PXDN: variants seen among roughly 807,000 people sequenced by gnomAD.
PXDN encodes peroxidasin homolog.
Under a neutral mutation model 140.3 loss-of-function variants are expected in PXDN, and 77 were observed. The observed-to-expected ratio is 0.55, with a 90% CI of 0.46 to 0.66. The LOEUF is 0.66. Ranked by LOEUF, PXDN falls within the 30% of genes least tolerant of loss-of-function variation. PXDN has a pLI of 0.00. For missense variants in PXDN, 1,838 were observed against 2,039.5 expected (o/e 0.90, Z 1.90); for synonymous variants, 911 against 857.4 (o/e 1.06, Z -1.09).
In PXDN at chr2:1,744,498, C is replaced by A; in HGVS notation, c.-43G>T. On this transcript the variant is annotated 5_prime_UTR_variant, in exon 1 of 23. Coordinates refer to ENST00000252804, the MANE Select transcript of PXDN (RefSeq NM_012293.3). ...GACGCTCGGACGCACGGAGCCACCACGGCCGGCTCCCGACTGCGCCCGCCC... is the reference window on the plus strand; with the variant it reads ...GACGCTCGGACGCACGGAGCCACCAAGGCCGGCTCCCGACTGCGCCCGCCC... 7.4e-7 allele frequency: 1 copy of A among 1,358,890 alleles called. No homozygotes were observed. Among genetic ancestry groups the A allele is most frequent in the South Asian group, 1.8e-5 (1 of 55,608 alleles). 84.2% of individuals were successfully genotyped at this position (1,358,890 alleles called of 1,614,324 possible). A position where few individuals can be genotyped will look rare whatever the true frequency, so the allele number is the denominator to read the frequency against.
At chr2:1,699,602 C>T (rs1323316023) in intron 1 of PXDN, among the ~76,000 whole-genome samples, 2 of 152,010 alleles carry the variant, frequency 1.3e-5, no homozygotes, top group East Asian at 1.9e-4. Context: ...CCCAGCTACT[C>T]GGGAGGTTGA....
chr2:1,686,007 G>A (rs572715286), intron 4 of PXDN, among the ~76,000 whole-genome samples: 9 of 152,258 alleles, frequency 5.9e-5, no homozygotes, highest in Non-Finnish European at 8.8e-5. Flanking sequence ...GACTGCATCC[G>A]GGCTCCCGGG....
At chr2:1,737,042 C>A (rs547315575) in intron 1 of PXDN, among the ~76,000 whole-genome samples, 1 of 152,336 alleles carries the variant, frequency 6.6e-6, no homozygotes, top group East Asian at 1.9e-4. Flanking sequence ...CCGCAGCCTG[C>A]TTTCCCGTAA....
chr2:1,728,876 C>T (rs1168853304), intron 1 of PXDN, among the ~76,000 whole-genome samples: 4 of 152,170 alleles, frequency 2.6e-5, no homozygotes, highest in African/African-American at 9.7e-5. Flanking sequence ...CAGATATAGC[C>T]CTGCGAGTCC....
intron 7 of PXDN, 83 bp from the exon 8 acceptor site, chr2:1,677,127 G>T (rs1019765213): frequency 2.4e-6 from 3 of 1,270,186 alleles, no homozygotes; most frequent in Admixed American, 5.1e-5. Flanking sequence ...AGTTCTCTGT[G>T]TCCAAAAGGA....
chr2:1,665,313 C>T (rs990952706), intron 10 of PXDN, among the ~76,000 whole-genome samples: 4 of 152,158 alleles, frequency 2.6e-5, no homozygotes, highest in South Asian at 2.1e-4. Context: ...TCAACCACAC[C>T]GCCAGCTGCA....
intron 1 of PXDN, among the ~76,000 whole-genome samples, chr2:1,712,446 CTG>C (rs369000768): frequency 5.3e-5 from 8 of 152,184 alleles, no homozygotes; most frequent in African/African-American, 1.9e-4. Flanking sequence ...TATAGAGAGA[CTG>C]TGGAAGACAA....
At chr2:1,720,028 AG>A (rs1684991257) in intron 1 of PXDN, among the ~76,000 whole-genome samples, 1 of 40,382 alleles carries the variant, frequency 2.5e-5, no homozygotes, top group Non-Finnish European at 4.3e-5. Flanking sequence ...AGAGAGAGAG[AG>A]AGAGGGAGGG....
At chr2:1,640,224 C>A (rs1682692032) in intron 19 of PXDN, among the ~76,000 whole-genome samples, 1 of 152,198 alleles carries the variant, frequency 6.6e-6, no homozygotes, top group Non-Finnish European at 1.5e-5. Flanking sequence ...TGTGGACACA[C>A]TATCTAACGA....
intron 4 of PXDN, among the ~76,000 whole-genome samples, chr2:1,684,515 A>G (rs951013954): frequency 1.3e-5 from 2 of 152,242 alleles, no homozygotes; most frequent in Non-Finnish European, 2.9e-5. Flanking sequence ...ATGATAGCAC[A>G]TACATAAATA....
chr2:1,684,901 T>G (rs1039262964), intron 4 of PXDN, among the ~76,000 whole-genome samples: 4 of 152,240 alleles, frequency 2.6e-5, no homozygotes, highest in Admixed American at 1.3e-4. Context: ...TGGGGTGCTC[T>G]GCTGGGAGAC....
intron 1 of PXDN, among the ~76,000 whole-genome samples, chr2:1,706,921 C>G (rs1314879439): frequency 1.4e-5 from 2 of 142,104 alleles, no homozygotes; most frequent in African/African-American, 2.6e-5. Flanking sequence ...TCACTGTTCA[C>G]CAATCAGCTC....
intron 8 of PXDN, among the ~76,000 whole-genome samples, chr2:1,675,678 G>C (rs1422150291): frequency 1.3e-5 from 2 of 152,204 alleles, no homozygotes; most frequent in Non-Finnish European, 2.9e-5. Flanking sequence ...GGGATGGCCA[G>C]CTCCCTGCTC....
chr2:1,666,130 C>A lies in PXDN; in HGVS notation c.1291+84G>T, dbSNP rs1004069939. On this transcript the variant is annotated intron_variant, in intron 10 of 22. Transcript: ENST00000252804. ...GGACAGGGCAGAAGATTCTATGGAG[C>A]GTCTGTGGGTATGGCAGCGCGAGCT... The A allele has an allele frequency of 5.9e-6, 9 of 1,521,016 alleles. No individual in the cohort carries two copies. The East Asian group carries it at 2.1e-4, about 35-fold the overall frequency. The allele number at this position is 1,521,016 out of a possible 1,614,324, so 94.2% of individuals were successfully genotyped here.
At chr2:1,682,274 A>C (rs1683924845) in intron 6 of PXDN, among the ~76,000 whole-genome samples, 1 of 152,144 alleles carries the variant, frequency 6.6e-6, no homozygotes, top group Non-Finnish European at 1.5e-5. Flanking sequence ...TATCTATCAA[A>C]TATGGAAGTA....
chr2:1,726,370 T>A (rs977118725), intron 1 of PXDN, among the ~76,000 whole-genome samples: 6 of 146,420 alleles, frequency 4.1e-5, no homozygotes, highest in African/African-American at 1.5e-4. Context: ...TAGGTGGGAA[T>A]TTAACAATGA....
intron 1 of PXDN, among the ~76,000 whole-genome samples, chr2:1,737,326 T>G (rs1685444184): frequency 6.6e-6 from 1 of 152,074 alleles, no homozygotes; most frequent in Non-Finnish European, 1.5e-5. Context: ...AAGAAACCAA[T>G]GAACACAGCA....
intron 2 of PXDN, chr2:1,692,605 G>A (rs961963452): frequency 1.7e-5 from 8 of 472,258 alleles, no homozygotes; most frequent in Admixed American, 4.7e-5. Flanking sequence ...CCTGAGGTCT[G>A]CACAGCAACG....
Position 1,648,525 on chromosome 2 carries a change from G to A in PXDN, c.3255C>T (p.Asp1085=), listed in dbSNP as rs746516660. The A allele has an allele frequency of 3.7e-6, 6 of 1,613,108 alleles. No homozygotes were observed. Among genetic ancestry groups the A allele is most frequent in the East Asian group, 2.2e-5 (1 of 44,890 alleles). ...TLVNPLLYRL[D]ENFQPIAQDH... Reference sequence around the variant, plus strand: ...CTTGTGCAATGGGCTGGAAGTTCTCGTCCAGCCGGTAAAGCAGTGGGTTGA... The same window carrying A: ...CTTGTGCAATGGGCTGGAAGTTCTCATCCAGCCGGTAAAGCAGTGGGTTGA... The change falls in exon 17 of 23, where the codon GAC becomes GAT. Residue 1085 remains aspartate, a synonymous_variant. Coordinates refer to ENST00000252804, the MANE Select transcript of PXDN (RefSeq NM_012293.3). This position sits in a 1 kb window ranked among gnomAD's most constrained non-coding sequence, Gnocchi z 8.9.
Sources: gnomAD v4.1 joint callset for allele counts (sites outside exome capture counted in the v4.1 genomes callset) on GRCh38, gnomAD v4.1.1 for gene constraint, Gnocchi (gnomAD v3.1) non-coding constraint, MANE v1.5 for transcripts, NCBI Gene and HGNC (gene_info 2026-07-23, HGNC 2026-07-21) for gene names.